The following LPP variants were observed in gnomAD, a reference collection of about 807,000 sequenced individuals.
LPP encodes lipoma-preferred partner.
In LPP, 38 loss-of-function variants were observed where a neutral mutation model predicts 60.4. That is an observed-to-expected ratio of 0.63 (90% CI 0.49 to 0.83). LPP has a LOEUF of 0.83. Among genes scored for constraint, LPP ranks in the 40% least tolerant of loss-of-function variants. LPP has a pLI of 0.00. For missense variants in LPP, 902 were observed against 783.6 expected (o/e 1.15, Z -1.80); for synonymous variants, 328 against 290.8 (o/e 1.13, Z -1.30).
intron 9 of LPP, among the ~76,000 whole-genome samples, chr3:188,816,353 C>A (rs796808658): frequency 6.6e-6 from 1 of 152,082 alleles, no homozygotes; most frequent in Admixed American, 6.6e-5. Flanking sequence ...AGGCGCCCAC[C>A]ACCATGCCCG....
intron 3 of LPP, among the ~76,000 whole-genome samples, chr3:188,386,969 A>G (rs1210102171): frequency 6.6e-6 from 1 of 151,648 alleles, no homozygotes; most frequent in Non-Finnish European, 1.5e-5. Context: ...AGAAAAGAAT[A>G]TGCTATCTTA....
At chr3:188,539,729 G>A (rs192806889) in intron 6 of LPP, among the ~76,000 whole-genome samples, 96 of 152,182 alleles carry the variant, frequency 6.3e-4, no homozygotes, top group Middle Eastern at 3.4e-3. Flanking sequence ...ACAATATCTT[G>A]TACATAATAA....
Position 188,886,765 on chromosome 3 carries a change from C to CACACACACACACA in LPP, c.*12286_*12287insACACACACACACA. 4.4e-6 allele frequency: 1 copy of CACACACACACACA among 227,488 alleles called. No individual in the cohort carries two copies. 14.1% of individuals were successfully genotyped at this position (227,488 alleles called of 1,614,324 possible). ...ACACACACACACACACACACACACA[C>CACACACACACACA]CCCTTCCAAGAAAGCTGATCCTTCA... On this transcript the variant is annotated 3_prime_UTR_variant, in exon 12 of 12. Coordinates refer to ENST00000617246, the MANE Select transcript of LPP (RefSeq NM_001375462.1).
At chr3:188,777,167 AATCCTACAAG>A (rs1408932038) in intron 9 of LPP, among the ~76,000 whole-genome samples, 1 of 152,228 alleles carries the variant, frequency 6.6e-6, no homozygotes, top group African/African-American at 2.4e-5. Flanking sequence ...TATTCACAAC[AATCCTACAAG>A]GCAAGTGTTA....
At chr3:188,255,945 A>G (rs1731527109) in intron 2 of LPP, among the ~76,000 whole-genome samples, 1 of 152,192 alleles carries the variant, frequency 6.6e-6, no homozygotes, top group Non-Finnish European at 1.5e-5. Context: ...GTCATACCGT[A>G]TCAGCATAAA....
chr3:188,466,517 C>T (rs1800421214), intron 4 of LPP, among the ~76,000 whole-genome samples: 2 of 151,898 alleles, frequency 1.3e-5, no homozygotes, highest in Non-Finnish European at 2.9e-5. Context: ...AAGTGGCCTT[C>T]CTGCCTCTAC....
chr3:188,696,392 G>C (rs1418766998), intron 7 of LPP, among the ~76,000 whole-genome samples: 1 of 152,088 alleles, frequency 6.6e-6, no homozygotes, highest in African/African-American at 2.4e-5. Context: ...CAGCACTTTG[G>C]GATGCCGAGG....
intron 3 of LPP, among the ~76,000 whole-genome samples, chr3:188,363,999 G>A (rs916404298): frequency 2.0e-5 from 3 of 151,954 alleles, no homozygotes; most frequent in Non-Finnish European, 4.4e-5. Flanking sequence ...CACATTAGCT[G>A]GACTGTCTTG....
intron 9 of LPP, among the ~76,000 whole-genome samples, chr3:188,811,385 C>T (rs935289399): frequency 4.0e-5 from 6 of 150,076 alleles, no homozygotes; most frequent in East Asian, 1.9e-4. Context: ...CACACACACA[C>T]GCACACACGC....
chr3:188,867,426 C>A (rs993911010), intron 10 of LPP, among the ~76,000 whole-genome samples: 10 of 151,860 alleles, frequency 6.6e-5, no homozygotes, highest in African/African-American at 2.4e-4. Flanking sequence ...CTCACTGCAA[C>A]CTCTGCCTCC....
chr3:188,385,419 T>G (rs1356158652), intron 3 of LPP, among the ~76,000 whole-genome samples: 1 of 152,030 alleles, frequency 6.6e-6, no homozygotes, highest in Non-Finnish European at 1.5e-5. Flanking sequence ...CCCTTGCTGG[T>G]GGTGGATGGG....
At chr3:188,599,751 G>GAGGGGTGTGTGTGTGTGT (rs1553938530) in intron 6 of LPP, among the ~76,000 whole-genome samples, 10 of 139,828 alleles carry the variant, frequency 7.2e-5, no homozygotes, top group African/African-American at 2.7e-4. Context: ...ACTCGTTAGG[G>GAGGGGTGTGTGTGTGTGT]GTGTGTGTGT....
intron 6 of LPP, among the ~76,000 whole-genome samples, chr3:188,539,908 T>TC (rs1824690785): frequency 6.6e-6 from 1 of 152,072 alleles, no homozygotes; most frequent in Non-Finnish European, 1.5e-5. Context: ...TTCTTGGAGT[T>TC]TTCTGTTTCC....
At chr3:188,839,872 G>T (rs923812953) in intron 9 of LPP, among the ~76,000 whole-genome samples, 1 of 151,916 alleles carries the variant, frequency 6.6e-6, no homozygotes, top group Non-Finnish European at 1.5e-5. Flanking sequence ...GTGAGACTCC[G>T]TCTCAAAAAT....
At chr3:188,741,844 G>A (rs1724553568) in intron 8 of LPP, among the ~76,000 whole-genome samples, 2 of 151,914 alleles carry the variant, frequency 1.3e-5, no homozygotes, top group African/African-American at 4.8e-5. Context: ...CATAACAAAT[G>A]AAATAGCAAG....
intron 3 of LPP, among the ~76,000 whole-genome samples, chr3:188,357,042 T>TACC (rs1767808559): frequency 6.6e-6 from 1 of 152,160 alleles, no homozygotes; most frequent in Non-Finnish European, 1.5e-5. Flanking sequence ...CACATGCAAC[T>TACC]ACCACCACCA....
chr3:188,229,039 C>T (rs916999947), intron 2 of LPP, among the ~76,000 whole-genome samples: 3 of 152,228 alleles, frequency 2.0e-5, no homozygotes, highest in African/African-American at 4.8e-5. Flanking sequence ...CATTGTACCT[C>T]TTCCTCCTCC....
intron 9 of LPP, among the ~76,000 whole-genome samples, chr3:188,818,559 T>C (rs1753094198): frequency 6.6e-6 from 1 of 152,154 alleles, no homozygotes; most frequent in Non-Finnish European, 1.5e-5. Context: ...ATAAAGTAGT[T>C]TGAGAATCAC....
chr3:188,805,168 T>C (rs576268051), intron 9 of LPP, among the ~76,000 whole-genome samples: 4 of 152,038 alleles, frequency 2.6e-5, no homozygotes, highest in Non-Finnish European at 5.9e-5. Context: ...TTTTTGGTAA[T>C]ATATTTGACT....
Sources: gnomAD v4.1 joint callset for allele counts (sites outside exome capture counted in the v4.1 genomes callset) on GRCh38, gnomAD v4.1.1 for gene constraint, MANE v1.5 for transcripts, NCBI Gene and HGNC (gene_info 2026-07-23, HGNC 2026-07-21) for gene names.